Variants in MRPL48 observed in about 807,000 individuals in gnomAD.
The protein encoded by MRPL48 is mitochondrial ribosomal protein L48, also known as large ribosomal subunit protein mL48.
In MRPL48, 16 loss-of-function variants were observed where a neutral mutation model predicts 32.9. The ratio of observed to expected loss-of-function variants is 0.49; its 90% CI spans 0.33 to 0.74. The LOEUF is 0.74. MRPL48 is among the 30% of genes least tolerant of loss of function. The pLI is 0.02. For synonymous variants in MRPL48, 94 were observed against 89.2 expected (o/e 1.05, Z -0.31); for missense variants, 206 against 245.3 (o/e 0.84, Z 1.07).
intron 1 of MRPL48, among the ~76,000 whole-genome samples, chr11:73,801,228 A>G (rs911508474): frequency 2.6e-5 from 4 of 151,996 alleles, no homozygotes; most frequent in African/African-American, 9.7e-5. Flanking sequence ...TTTTTTTCCC[A>G]TCCAGTCCCT....
chr11:73,839,843 A>G (rs1232381730), intron 4 of MRPL48, among the ~76,000 whole-genome samples: 1 of 152,172 alleles, frequency 6.6e-6, no homozygotes, highest in Admixed American at 6.6e-5. Flanking sequence ...CACTTCTATA[A>G]TCCCAGCACT....
chr11:73,856,371 C>T (rs1297216324), intron 5 of MRPL48, among the ~76,000 whole-genome samples: 2 of 152,070 alleles, frequency 1.3e-5, no homozygotes, highest in African/African-American at 4.8e-5. Context: ...TTGCCATGAC[C>T]TTGAGATGGA....
chr11:73,856,355 G>A (rs918074109), intron 5 of MRPL48, among the ~76,000 whole-genome samples: 1 of 152,076 alleles, frequency 6.6e-6, no homozygotes, highest in African/African-American at 2.4e-5. Flanking sequence ...GGGTGGGTAG[G>A]GATGATTGCC....
chr11:73,817,480 C>T (rs1947698320), intron 3 of MRPL48, among the ~76,000 whole-genome samples: 1 of 152,124 alleles, frequency 6.6e-6, no homozygotes, highest in African/African-American at 2.4e-5. Context: ...ATTTGAGAAT[C>T]CCTTTTTACA....
intron 3 of MRPL48, among the ~76,000 whole-genome samples, chr11:73,824,753 C>A (rs1947852785): frequency 6.6e-6 from 1 of 152,062 alleles, no homozygotes; most frequent in Admixed American, 6.6e-5. Flanking sequence ...GGATTATTGC[C>A]TGTTGAGGAA....
At chr11:73,806,632 G>A (rs1050312461) in intron 2 of MRPL48, among the ~76,000 whole-genome samples, 3 of 152,070 alleles carry the variant, frequency 2.0e-5, no homozygotes, top group Non-Finnish European at 4.4e-5. Context: ...CTAGGCCTAC[G>A]ATGGTATCTG....
In MRPL48 at chr11:73,847,069, C is replaced by T. The variant is rs142797541; in HGVS notation, c.371+2093C>T. 1.9e-4 allele frequency among the ~76,000 whole-genome samples: 29 copies of T among 151,468 alleles called. No individual in the cohort carries two copies. In the South Asian group the frequency reaches 4.2e-3, roughly 22 times the overall value. ...TCTGCCTCCCTCCAACCTCCAATCT[C>T]GCCTCCAATTTCTGGATTGTATAGT... is the stretch of plus-strand genomic sequence containing the variant. On this transcript the variant is annotated intron_variant, in intron 5 of 7. Coordinates refer to ENST00000310614, the MANE Select transcript of MRPL48 (RefSeq NM_016055.6).
At chr11:73,856,075 G>A (rs187600979) in intron 5 of MRPL48, among the ~76,000 whole-genome samples, 1 of 152,204 alleles carries the variant, frequency 6.6e-6, no homozygotes, top group African/African-American at 2.4e-5. Context: ...ATACAGACTT[G>A]TTGATTTGGA....
intron 3 of MRPL48, among the ~76,000 whole-genome samples, chr11:73,814,937 A>C (rs1287771561): frequency 6.6e-6 from 1 of 151,986 alleles, no homozygotes; most frequent in African/African-American, 2.4e-5. Context: ...GGTTGCAGTG[A>C]GCCGAGATGT....
intron 3 of MRPL48, among the ~76,000 whole-genome samples, chr11:73,821,911 G>C (rs1436174121): frequency 3.3e-5 from 5 of 152,132 alleles, no homozygotes; most frequent in Non-Finnish European, 7.3e-5. Context: ...AATATTTGTT[G>C]AATGGATGAT....
intron 1 of MRPL48, among the ~76,000 whole-genome samples, chr11:73,800,810 C>CTTTTT (rs1223951183): frequency 6.0e-5 from 8 of 132,876 alleles, no homozygotes; most frequent in Non-Finnish European, 9.7e-5. Flanking sequence ...TTTTCTTTTT[C>CTTTTT]TTTTTTTTTT....
intron 4 of MRPL48, among the ~76,000 whole-genome samples, chr11:73,829,856 T>A (rs35506086): frequency 6.6e-6 from 1 of 152,138 alleles, no homozygotes; most frequent in South Asian, 2.1e-4. Context: ...CCTCTGCCTC[T>A]CAGGCTCAAA....
intron 1 of MRPL48, among the ~76,000 whole-genome samples, chr11:73,799,129 G>C (rs912746463): frequency 1.3e-5 from 2 of 152,084 alleles, no homozygotes. Flanking sequence ...CCTAAGATGA[G>C]AGTAAACTCC....
chr11:73,832,845 A>G (rs1003009755), intron 4 of MRPL48, among the ~76,000 whole-genome samples: 1 of 152,192 alleles, frequency 6.6e-6, no homozygotes, highest in African/African-American at 2.4e-5. Flanking sequence ...AAGAAAAACC[A>G]TAATTGAGCA....
rs73547517 is a variant in MRPL48 at position 73,814,691 on chromosome 11, C to T, written c.112+6341C>T. On this transcript the variant is annotated intron_variant, in intron 3 of 7. Transcript: ENST00000310614. ...GCCTAGGCGACAAGAGTGAGACTGT[C>T]TCAAGAAAAAAAAAAAGTGAGGCTG... 4.0e-3 allele frequency among the ~76,000 whole-genome samples: 565 copies of T among 141,814 alleles called. 4 individuals are homozygous for T. Among genetic ancestry groups the T allele is most frequent in the African/African-American group, 0.014 (536 of 38,040 alleles). The allele number at this position is 141,814 out of a possible 152,430, so 93.0% of individuals were successfully genotyped here. A position where few individuals can be genotyped will look rare whatever the true frequency, so the allele number is the denominator to read the frequency against.
chr11:73,802,486 T>C lies in MRPL48; in HGVS notation c.22-2541T>C, dbSNP rs952269249. ...GCAGTCATCCACAGCTCCCCAGCCC[T>C]TCCAGCCCCAGGCAGCCACTAATTG... On this transcript the variant is annotated intron_variant, in intron 1 of 7. Coordinates refer to ENST00000310614, the MANE Select transcript of MRPL48 (RefSeq NM_016055.6). Among the ~76,000 whole-genome samples, 13 of 152,180 alleles carry C rather than the reference T, an allele frequency of 8.5e-5. No homozygotes were observed. In the East Asian group the frequency reaches 2.5e-3, roughly 29 times the overall value.
chr11:73,828,528 C>G (rs182804233), intron 4 of MRPL48, among the ~76,000 whole-genome samples: 2,156 of 152,082 alleles, frequency 0.014, 28 homozygotes, highest in Non-Finnish European at 0.022. Context: ...GCCTGGCAAG[C>G]AAAATAATTT....
At chr11:73,839,576 G>A (rs1481738852) in intron 4 of MRPL48, among the ~76,000 whole-genome samples, 2 of 152,076 alleles carry the variant, frequency 1.3e-5, no homozygotes, top group African/African-American at 4.8e-5. Context: ...GGATGATCAT[G>A]TGAAAACAAA....
At chr11:73,816,303 C>T (rs556002421) in intron 3 of MRPL48, among the ~76,000 whole-genome samples, 2 of 141,318 alleles carry the variant, frequency 1.4e-5, no homozygotes, top group Middle Eastern at 3.6e-3. Flanking sequence ...CCTCGTGATC[C>T]GCCCGCCTCG....
Sources: gnomAD v4.1 joint callset for allele counts (sites outside exome capture counted in the v4.1 genomes callset) on GRCh38, gnomAD v4.1.1 for gene constraint, MANE v1.5 for transcripts, NCBI Gene and HGNC (gene_info 2026-07-23, HGNC 2026-07-21) for gene names.